Variants in COL5A2 observed in about 807,000 individuals in gnomAD.
COL5A2 encodes the protein collagen alpha-2(V) chain.
In COL5A2, 23 loss-of-function variants were observed where a neutral mutation model predicts 208.2. That is an observed-to-expected ratio of 0.11 (90% CI 0.08 to 0.16). The LOEUF (loss-of-function observed/expected upper bound fraction) is 0.16, where lower values mean the gene tolerates loss of function less well. Among genes scored for constraint, COL5A2 ranks in the 10% least tolerant of loss-of-function variants. The pLI is 1.00. For missense variants in COL5A2, 1,590 were observed against 1,956.4 expected (o/e 0.81, Z 3.53); for synonymous variants, 625 against 628.5 (o/e 0.99, Z 0.08).
At chr2:189,385,439 A>T in the COL5A2 span, among the ~76,000 whole-genome samples, 2 of 152,312 alleles carry the variant, frequency 1.3e-5, no homozygotes, top group African/African-American at 4.8e-5. Flanking sequence ...CACTACAAAG[A>T]AAACTACAAA....
chr2:189,420,070 G>A, the COL5A2 span, among the ~76,000 whole-genome samples: 27 of 125,952 alleles, frequency 2.1e-4, no homozygotes, highest in Admixed American at 1.4e-3. Flanking sequence ...GGAAGGAAGG[G>A]AGGGAGGGAG....
intron 1 of COL5A2, among the ~76,000 whole-genome samples, chr2:189,188,863 C>T (rs557491532): frequency 1.3e-5 from 2 of 152,270 alleles, no homozygotes; most frequent in Non-Finnish European, 2.9e-5. Flanking sequence ...GAGAGGGCAG[C>T]ACAGGGCAGG....
At chr2:189,170,080 T>C (rs560662416) in intron 1 of COL5A2, among the ~76,000 whole-genome samples, 1 of 152,306 alleles carries the variant, frequency 6.6e-6, no homozygotes, top group Non-Finnish European at 1.5e-5. Flanking sequence ...CTATTATTAG[T>C]TGGGAGTCAC....
At chr2:189,305,010 T>C in the COL5A2 span, among the ~76,000 whole-genome samples, 1 of 152,042 alleles carries the variant, frequency 6.6e-6, no homozygotes, top group Non-Finnish European at 1.5e-5. Flanking sequence ...AGAAAACAAA[T>C]ATATTTGAAG....
At chr2:189,045,305 C>A in intron 46 of COL5A2, 73 bp from the exon 47 acceptor site, 2 of 959,260 alleles carry the variant, frequency 2.1e-6, no homozygotes, top group South Asian at 1.4e-5. Context: ...TACAGGATGT[C>A]AACAATACGT....
At chr2:189,170,029 A>G (rs1407531990) in intron 1 of COL5A2, among the ~76,000 whole-genome samples, 2 of 152,212 alleles carry the variant, frequency 1.3e-5, no homozygotes, top group Non-Finnish European at 2.9e-5. Context: ...TTATTATTAA[A>G]TAGTAATCTA....
chr2:189,062,961 T>C (rs1357906076), intron 28 of COL5A2, 43 bp from the exon 29 acceptor site: 2 of 1,613,746 alleles, frequency 1.2e-6, no homozygotes, highest in African/African-American at 1.3e-5. Context: ...TCTATGATAA[T>C]TTAAATAGTA....
Position 189,065,049 on chromosome 2 carries a change from A to G in COL5A2, c.1572T>C (p.Pro524=). Residue 524 remains proline, a synonymous_variant, in exon 24 of 54, where the codon CCT becomes CCC. Coordinates refer to ENST00000374866, the MANE Select transcript of COL5A2 (RefSeq NM_000393.5). ...CAGAGCCTGGAAAACCACGATTGCC[A>G]GGAGCACCCTACAAATGACCAAAAT... is the stretch of plus-strand genomic sequence containing the variant. ...PPGPVGERGA[P]GNRGFPGSDG... 1 of 1,613,776 alleles carries G rather than the reference A, an allele frequency of 6.2e-7. No homozygotes were observed. Among genetic ancestry groups the G allele is most frequent in the East Asian group, 2.2e-5 (1 of 44,858 alleles).
At chr2:189,392,471 T>C in the COL5A2 span, among the ~76,000 whole-genome samples, 3 of 152,320 alleles carry the variant, frequency 2.0e-5, no homozygotes, top group Non-Finnish European at 4.4e-5. Context: ...AATCAGAGTT[T>C]ACATGTCCTT....
chr2:189,288,496 T>C, the COL5A2 span, among the ~76,000 whole-genome samples: 2 of 152,182 alleles, frequency 1.3e-5, no homozygotes, highest in South Asian at 2.1e-4. Context: ...CCTAGACACA[T>C]ACAACCTACC....
chr2:189,090,460 G>A (rs1000215612), intron 7 of COL5A2, among the ~76,000 whole-genome samples: 1 of 152,232 alleles, frequency 6.6e-6, no homozygotes, highest in Non-Finnish European at 1.5e-5. Context: ...AGAAGATCAA[G>A]TTAGCATCAT....
At chr2:189,364,186 T>C in the COL5A2 span, among the ~76,000 whole-genome samples, 2 of 152,234 alleles carry the variant, frequency 1.3e-5, no homozygotes, top group Non-Finnish European at 2.9e-5. Context: ...AAATAGTATT[T>C]ATCAGAATGT....
At chr2:189,135,340 A>G (rs202168983) in intron 1 of COL5A2, among the ~76,000 whole-genome samples, 1 of 152,190 alleles carries the variant, frequency 6.6e-6, no homozygotes, top group East Asian at 1.9e-4. Flanking sequence ...TTTATGAGAA[A>G]ATATTGCCAC....
rs753760854 is a variant in COL5A2, at chr2:189,036,640, A to C, written c.4089T>G (p.Gly1363=). The change falls in exon 52 of 54, where the codon GGT becomes GGG. Residue 1363 remains glycine, a synonymous_variant. Transcript: ENST00000374866. Reference sequence around the variant, plus strand: ...CCTGAGACCCTCTGTTCATATCAAGACCATACCAAACAGGTTTATTGTCAG... The same window carrying C: ...CCTGAGACCCTCTGTTCATATCAAGCCCATACCAAACAGGTTTATTGTCAG... The part of the protein sequence containing the change: ...KSPDNKPVWY[G]LDMNRGSQFA... The C allele has an allele frequency of 9.9e-6, 16 of 1,613,544 alleles. No homozygotes were observed. The highest frequency in any genetic ancestry group is 1.4e-5 in the Non-Finnish European group (16 of 1,179,622).
At chr2:189,072,141 T>TA in intron 17 of COL5A2, 48 bp from the exon 18 acceptor site, 6 of 1,286,952 alleles carry the variant, frequency 4.7e-6, no homozygotes, top group Non-Finnish European at 6.7e-6. Context: ...TCAATTAGTA[T>TA]CTAATTAGGT....
chr2:189,070,596 G>T (rs1318076108), intron 18 of COL5A2, among the ~76,000 whole-genome samples: 1 of 152,198 alleles, frequency 6.6e-6, no homozygotes, highest in African/African-American at 2.4e-5. Flanking sequence ...TAACCAGAGT[G>T]AATGGTTGTG....
At chr2:189,361,868 A>G in the COL5A2 span, among the ~76,000 whole-genome samples, 1 of 151,696 alleles carries the variant, frequency 6.6e-6, no homozygotes, top group East Asian at 1.9e-4. Flanking sequence ...CTTTGATCAC[A>G]AAGAAAAGTA....
chr2:189,309,276 CA>C, the COL5A2 span, among the ~76,000 whole-genome samples: 1 of 152,198 alleles, frequency 6.6e-6, no homozygotes, highest in Non-Finnish European at 1.5e-5. Context: ...TGATCAGTAG[CA>C]TCCCGATAAG....
the COL5A2 span, among the ~76,000 whole-genome samples, chr2:189,373,136 T>G: frequency 6.6e-6 from 1 of 152,188 alleles, no homozygotes; most frequent in Non-Finnish European, 1.5e-5. Context: ...ATTTCTGTAT[T>G]ACCTCATTTT....
Sources: gnomAD v4.1 joint callset for allele counts (sites outside exome capture counted in the v4.1 genomes callset) on GRCh38, gnomAD v4.1.1 for gene constraint, MANE v1.5 for transcripts, NCBI Gene and HGNC (gene_info 2026-07-23, HGNC 2026-07-21) for gene names.